PHF20: variants seen among roughly 807,000 people sequenced by gnomAD.
The protein encoded by PHF20 is PHD finger protein 20, also known as glioma-expressed antigen 2.
Under a neutral mutation model 113.5 loss-of-function variants are expected in PHF20, and 23 were observed. The ratio of observed to expected loss-of-function variants is 0.20; its 90% CI spans 0.15 to 0.29. PHF20 has a LOEUF of 0.29. PHF20 is among the 10% of genes least tolerant of loss of function. PHF20 has a pLI of 1.00. For synonymous variants in PHF20, 434 were observed against 457.3 expected, an observed-to-expected ratio of 0.95 and a Z score of 0.65; for missense variants, 943 against 1,219.6, an observed-to-expected ratio of 0.77 and a Z score of 3.38.
At position 35,908,280 on chromosome 20, in the gene PHF20, G is replaced by A. The variant is rs547526167; in HGVS notation, c.1562-4969G>A. Among the ~76,000 whole-genome samples the A allele has an allele frequency of 2.0e-4, 30 of 152,350 alleles. No homozygotes were observed. The South Asian group carries it at 6.0e-3, about 31-fold the overall frequency. Reference sequence around the variant, plus strand: ...ACTCCTGTTCCTCAGGGACTCACCTGCCTTAGCTCAGTCCTTGCTGGGCAA... The same window carrying A: ...ACTCCTGTTCCTCAGGGACTCACCTACCTTAGCTCAGTCCTTGCTGGGCAA... On this transcript the variant is annotated intron_variant, in intron 10 of 17. Transcript: ENST00000374012.
At chr20:35,881,379 AT>A (rs2147013742) in intron 9 of PHF20, among the ~76,000 whole-genome samples, 1 of 151,622 alleles carries the variant, frequency 6.6e-6, no homozygotes, top group Non-Finnish European at 1.5e-5. Context: ...TTTTTAGAAA[AT>A]CCCATATTTA....
Position 35,870,948 on chromosome 20 carries a change from T to G in PHF20, c.923-7T>G, listed in dbSNP as rs2054410184. 6.3e-7 allele frequency: 1 copy of G among 1,585,550 alleles called. No individual in the cohort carries two copies. The highest frequency in any genetic ancestry group is 8.5e-7 in the Non-Finnish European group (1 of 1,171,756). ...TCTTGACTACAACTCTCTTAATGGT[T>G]TAATAGCCCAGGAAAAGTCAAAAAA... On this transcript the variant is annotated splice_polypyrimidine_tract_variant and splice_region_variant and intron_variant, in intron 7 of 17. Coordinates refer to ENST00000374012, the MANE Select transcript of PHF20 (RefSeq NM_016436.5).
chr20:35,918,119 G>A (rs1600933487), intron 13 of PHF20, among the ~76,000 whole-genome samples: 1 of 152,128 alleles, frequency 6.6e-6, no homozygotes, highest in African/African-American at 2.4e-5. Context: ...ATTTGAGTCT[G>A]TCATCTTCAT....
At chr20:35,819,740 C>T (rs972147636) in intron 2 of PHF20, among the ~76,000 whole-genome samples, 1 of 151,890 alleles carries the variant, frequency 6.6e-6, no homozygotes, top group Non-Finnish European at 1.5e-5. Flanking sequence ...TCAGGTGGTA[C>T]ACTAGGTGCT....
chr20:35,794,972 A>G (rs529859859), intron 1 of PHF20, among the ~76,000 whole-genome samples: 1 of 152,048 alleles, frequency 6.6e-6, no homozygotes, highest in Non-Finnish European at 1.5e-5. Context: ...TGGGCAAATC[A>G]CCTGAGGTCA....
At chr20:35,788,423 G>A (rs2041469669) in intron 1 of PHF20, among the ~76,000 whole-genome samples, 1 of 150,580 alleles carries the variant, frequency 6.6e-6, no homozygotes, top group African/African-American at 2.4e-5. Flanking sequence ...GTAGAGTTGA[G>A]ATCTCACTAT....
chr20:35,789,535 AC>A (rs1427269435), intron 1 of PHF20, among the ~76,000 whole-genome samples: 4 of 151,532 alleles, frequency 2.6e-5, no homozygotes, highest in East Asian at 1.9e-4. Flanking sequence ...AACAGTAATA[AC>A]CCTTTTTTCT....
At chr20:35,855,636 C>T (rs1477023002) in intron 4 of PHF20, 1 of 151,912 alleles carries the variant, frequency 6.6e-6, no homozygotes, top group East Asian at 1.9e-4. Context: ...AGCATTTATC[C>T]TTTGTTACAA....
intron 2 of PHF20, among the ~76,000 whole-genome samples, chr20:35,811,141 G>A (rs961946975): frequency 1.3e-5 from 2 of 152,018 alleles, no homozygotes; most frequent in Non-Finnish European, 2.9e-5. Context: ...CCGCCTCCAG[G>A]GTTCAAGCGA....
intron 10 of PHF20, among the ~76,000 whole-genome samples, chr20:35,902,358 G>A (rs542143125): frequency 6.6e-6 from 1 of 152,302 alleles, no homozygotes; most frequent in South Asian, 2.1e-4. Context: ...GAAGTAGAGT[G>A]CAGCCTACCC....
intron 16 of PHF20, 147 bp downstream of exon 16, chr20:35,939,255 G>A: frequency 1.0e-6 from 1 of 954,846 alleles, no homozygotes; most frequent in Non-Finnish European, 1.5e-6. Flanking sequence ...TTGCCAAAAT[G>A]GGTGCAAAGT....
intron 2 of PHF20, among the ~76,000 whole-genome samples, chr20:35,828,977 G>A (rs575778218): frequency 7.9e-5 from 12 of 152,224 alleles, no homozygotes; most frequent in Admixed American, 2.6e-4. Flanking sequence ...ATTCAGGAGC[G>A]GCGTAATGGG....
At chr20:35,789,356 G>A (rs1290115121) in intron 1 of PHF20, among the ~76,000 whole-genome samples, 1 of 151,212 alleles carries the variant, frequency 6.6e-6, no homozygotes, top group African/African-American at 2.4e-5. Flanking sequence ...GCTTGAATCT[G>A]GGAGACAGAG....
chr20:35,854,654 GACCGA>G (rs1431086263), intron 4 of PHF20, among the ~76,000 whole-genome samples: 26 of 152,280 alleles, frequency 1.7e-4, no homozygotes, highest in African/African-American at 6.3e-4. Context: ...AAGGATCAAA[GACCGA>G]GATATATCTA....
At chr20:35,794,300 CAA>C (rs369191805) in intron 1 of PHF20, among the ~76,000 whole-genome samples, 44 of 96,046 alleles carry the variant, frequency 4.6e-4, no homozygotes, top group Admixed American at 4.6e-4. Flanking sequence ...AACTCTGTCT[CAA>C]AAAAAAAAAA....
At chr20:35,808,044 C>T (rs1270973835) in intron 2 of PHF20, among the ~76,000 whole-genome samples, 5 of 152,060 alleles carry the variant, frequency 3.3e-5, no homozygotes, top group Non-Finnish European at 7.4e-5. Context: ...GAAGCAAAAG[C>T]GGCCATGTGT....
rs1479462241 is a variant in PHF20 at position 35,871,505 on chromosome 20, A to G, written c.1103-145A>G. On this transcript the variant is annotated intron_variant, in intron 8 of 17. Transcript: ENST00000374012. Reference sequence around the variant, plus strand: ...GAAGCTCACAAGCCAGCCTGTATGTATGGGAACCTGTGAATGTATGCTTTT... The same window carrying G: ...GAAGCTCACAAGCCAGCCTGTATGTGTGGGAACCTGTGAATGTATGCTTTT... 9.3e-6 allele frequency: 6 copies of G among 647,270 alleles called. No individual in the cohort carries two copies. In the South Asian group the frequency reaches 1.5e-4, roughly 16 times the overall value. The allele number at this position is 647,270 out of a possible 1,614,324, so 40.1% of individuals were successfully genotyped here.
At chr20:35,902,863 A>G (rs1053909940) in intron 10 of PHF20, among the ~76,000 whole-genome samples, 2 of 152,130 alleles carry the variant, frequency 1.3e-5, no homozygotes, top group Non-Finnish European at 2.9e-5. Context: ...AACTCTGAAT[A>G]CACAGTCTCT....
At chr20:35,889,009 C>CT (rs566960589) in intron 9 of PHF20, among the ~76,000 whole-genome samples, 2,030 of 99,130 alleles carry the variant, frequency 0.02, 30 homozygotes, top group African/African-American at 0.026. Flanking sequence ...CTCTTAGTTT[C>CT]TTTTTTTTTT....
Sources: allele counts gnomAD v4.1 joint callset (sites outside exome capture counted in the v4.1 genomes callset), GRCh38; gene constraint gnomAD v4.1.1; transcripts MANE v1.5; gene names NCBI Gene and HGNC (gene_info 2026-07-23, HGNC 2026-07-21).